The following DENND1B variants were observed in gnomAD, a reference collection of about 807,000 sequenced individuals.
DENND1B encodes the protein DENN domain containing 1B.
In DENND1B, 59 loss-of-function variants were observed where a neutral mutation model predicts 90.1. That is an observed-to-expected ratio of 0.65 (90% confidence interval 0.53 to 0.81). The LOEUF (loss-of-function observed/expected upper bound fraction) is 0.81. Ranked by LOEUF, DENND1B falls within the 40% of genes least tolerant of loss-of-function variation. DENND1B has a pLI of 0.00. For synonymous variants in DENND1B, 337 were observed against 324.6 expected (o/e 1.04, Z -0.41); for missense variants, 862 against 912.6 (o/e 0.94, Z 0.71).
At chr1:197,638,272 A>G (rs1036529538) in intron 10 of DENND1B, among the ~76,000 whole-genome samples, 5 of 152,234 alleles carry the variant, frequency 3.3e-5, no homozygotes, top group African/African-American at 1.2e-4. Context: ...CATGCACTAC[A>G]CAATCAAATC....
chr1:197,611,036 C>T (rs1469139765), intron 12 of DENND1B, among the ~76,000 whole-genome samples: 1 of 150,724 alleles, frequency 6.6e-6, no homozygotes, highest in Non-Finnish European at 1.5e-5. Context: ...AATATATCAA[C>T]AGACTCATCT....
At chr1:197,674,043 T>TA (rs1471369400) in intron 4 of DENND1B, 77 bp downstream of exon 4, 9 of 1,045,496 alleles carry the variant, frequency 8.6e-6, no homozygotes, top group Non-Finnish European at 1.3e-5. Flanking sequence ...TTTTATTTTA[T>TA]AAAAAAGCAC....
chr1:197,718,576 CTT>C (rs1245403429), intron 2 of DENND1B, among the ~76,000 whole-genome samples: 8 of 151,940 alleles, frequency 5.3e-5, no homozygotes, highest in East Asian at 1.9e-4. Context: ...TGTAATAAAA[CTT>C]AATGCATTTT....
chr1:197,578,759 T>C (rs1486565700), intron 15 of DENND1B, among the ~76,000 whole-genome samples: 1 of 152,084 alleles, frequency 6.6e-6, no homozygotes, highest in East Asian at 1.9e-4. Context: ...ATAAGTAAAC[T>C]AGGAGAACAC....
intron 9 of DENND1B, 74 bp from the exon 10 acceptor site, chr1:197,642,895 C>T: frequency 1.0e-6 from 1 of 1,004,166 alleles, no homozygotes; most frequent in East Asian, 2.6e-5. Context: ...ACACACTTAC[C>T]AGAAAGTCTT....
At chr1:197,688,728 G>C (rs1474191936) in intron 3 of DENND1B, 3 of 152,476 alleles carry the variant, frequency 2.0e-5, no homozygotes, top group Non-Finnish European at 2.9e-5. Flanking sequence ...GAATACAGGT[G>C]TCATGAAAAC....
intron 20 of DENND1B, among the ~76,000 whole-genome samples, chr1:197,529,340 G>GTC (rs1351599226): frequency 2.7e-5 from 4 of 150,406 alleles, no homozygotes; most frequent in African/African-American, 7.4e-5. Flanking sequence ...ATATGTGTGT[G>GTC]TGTGTGTGTG....
chr1:197,592,411 C>A (rs993470230), intron 14 of DENND1B, among the ~76,000 whole-genome samples: 6 of 151,938 alleles, frequency 3.9e-5, no homozygotes, highest in South Asian at 2.1e-4. Flanking sequence ...TAATAGTGAT[C>A]AAAAATTATG....
At chr1:197,531,258 T>C (rs746255009) in intron 20 of DENND1B, among the ~76,000 whole-genome samples, 17 of 152,204 alleles carry the variant, frequency 1.1e-4, no homozygotes, top group Non-Finnish European at 2.4e-4. Flanking sequence ...TTTTCTACTA[T>C]TTCAACTGTA....
At chr1:197,647,671 A>G (rs943972969) in intron 7 of DENND1B, among the ~76,000 whole-genome samples, 1 of 152,208 alleles carries the variant, frequency 6.6e-6, no homozygotes, top group Non-Finnish European at 1.5e-5. Flanking sequence ...TAACTAGGCC[A>G]GATGCAGTGG....
At chr1:197,757,599 G>A (rs1654471824) in intron 2 of DENND1B, among the ~76,000 whole-genome samples, 1 of 152,072 alleles carries the variant, frequency 6.6e-6, no homozygotes, top group South Asian at 2.1e-4. Flanking sequence ...AAATTTGTCT[G>A]ACAAAATATA....
chr1:197,755,545 A>G (rs1281373316), intron 2 of DENND1B, among the ~76,000 whole-genome samples: 1 of 152,222 alleles, frequency 6.6e-6, no homozygotes, highest in Non-Finnish European at 1.5e-5. Context: ...TATGCAGACA[A>G]TAAGGAAATA....
At chr1:197,657,092 T>C (rs1463962715) in intron 6 of DENND1B, among the ~76,000 whole-genome samples, 2 of 152,134 alleles carry the variant, frequency 1.3e-5, no homozygotes, top group Non-Finnish European at 2.9e-5. Flanking sequence ...TAAAAACTTT[T>C]GTGCATCAAA....
intron 20 of DENND1B, among the ~76,000 whole-genome samples, chr1:197,527,744 CAAAGT>C (rs1306597315): frequency 6.6e-6 from 1 of 152,074 alleles, no homozygotes; most frequent in African/African-American, 2.4e-5. Flanking sequence ...GTTTATTTTA[CAAAGT>C]AAAGTATTCT....
At chr1:197,556,499 G>A (rs560984205) in intron 15 of DENND1B, among the ~76,000 whole-genome samples, 2 of 152,090 alleles carry the variant, frequency 1.3e-5, no homozygotes, top group African/African-American at 2.4e-5. Context: ...ATTTTTTAGA[G>A]CATGAGTTGT....
intron 12 of DENND1B, among the ~76,000 whole-genome samples, chr1:197,609,361 T>C (rs996069818): frequency 2.0e-5 from 3 of 150,678 alleles, no homozygotes; most frequent in African/African-American, 7.3e-5. Context: ...CATGATCTTA[T>C]AAACCTGGGT....
At chr1:197,516,104 T>C (rs1448337042) in intron 20 of DENND1B, among the ~76,000 whole-genome samples, 6 of 151,960 alleles carry the variant, frequency 3.9e-5, no homozygotes, top group East Asian at 1.9e-4. Flanking sequence ...CATTTCTATA[T>C]AGGGATGTTA....
intron 15 of DENND1B, among the ~76,000 whole-genome samples, chr1:197,574,747 T>C (rs185530680): frequency 3.9e-5 from 6 of 152,154 alleles, no homozygotes; most frequent in African/African-American, 1.2e-4. Context: ...AACAGAGATA[T>C]AGGCCAATGG....
At chr1:197,631,215 T>G (rs1679294072) in intron 10 of DENND1B, among the ~76,000 whole-genome samples, 1 of 152,142 alleles carries the variant, frequency 6.6e-6, no homozygotes, top group African/African-American at 2.4e-5. Flanking sequence ...GATGAAGGGT[T>G]AGGATATGGT....
Sources: gnomAD v4.1 joint callset for allele counts (sites outside exome capture counted in the v4.1 genomes callset) on GRCh38, gnomAD v4.1.1 for gene constraint, MANE v1.5 for transcripts, NCBI Gene and HGNC (gene_info 2026-07-23, HGNC 2026-07-21) for gene names.